The following ARHGEF9 variants were observed in gnomAD, a reference collection of about 807,000 sequenced individuals.
ARHGEF9 encodes the protein Cdc42 guanine nucleotide exchange factor 9, also known as rho guanine nucleotide exchange factor 9.
Under a neutral mutation model 41.3 loss-of-function variants are expected in ARHGEF9, and 2 were observed. That is an observed-to-expected ratio of 0.05 (90% CI 0.02 to 0.15). The LOEUF (loss-of-function observed/expected upper bound fraction) is 0.15, where lower values mean the gene tolerates loss of function less well. Among genes scored for constraint, ARHGEF9 ranks in the 10% least tolerant of loss-of-function variants. The pLI is 1.00. For synonymous variants in ARHGEF9, 160 were observed against 154.4 expected (o/e 1.04, Z -0.27); for missense variants, 225 against 424.7 (o/e 0.53, Z 4.13).
intron 8 of ARHGEF9, among the ~76,000 whole-genome samples, chrX:63,653,553 ATG>A (rs2048686115): frequency 9.0e-6 from 1 of 111,419 alleles, no homozygotes; most frequent in African/African-American, 3.3e-5. Flanking sequence ...GGAGTTACTT[ATG>A]ATAAATTAAG....
intron 4 of ARHGEF9, among the ~76,000 whole-genome samples, chrX:63,680,840 A>T (rs1358605648): frequency 2.7e-5 from 3 of 110,829 alleles, no homozygotes; most frequent in Non-Finnish European, 5.7e-5. Flanking sequence ...CTTCCTTTTG[A>T]GTTTTAGGAG....
chrX:63,636,526 C>T lies in ARHGEF9; in HGVS notation c.*1502G>A, dbSNP rs2047322685. On this transcript the variant is annotated 3_prime_UTR_variant, in exon 10 of 10. Transcript: ENST00000671741. ...TGCCCCTGGGCCCCTAACTCACTTG[C>T]CCCAAATGTCCTGGGATGAGAGGAT... The T allele has an allele frequency of 6.9e-6, 1 of 144,031 alleles. No individual in the cohort carries two copies. The highest frequency in any genetic ancestry group is 1.4e-5 in the Non-Finnish European group (1 of 73,726). 11.9% of individuals were successfully genotyped at this position (144,031 alleles called of 1,213,427 possible).
At chrX:63,754,793 T>C (rs1476099977) in intron 1 of ARHGEF9, 6 of 945,231 alleles carry the variant, frequency 6.3e-6, no homozygotes, top group Middle Eastern at 4.4e-4. Context: ...CTTCTCAGGA[T>C]TGGGCTGATC....
chrX:63,776,937 T>C (rs1164511840), intron 1 of ARHGEF9, among the ~76,000 whole-genome samples: 1 of 111,464 alleles, frequency 9.0e-6, no homozygotes, highest in African/African-American at 3.3e-5. Flanking sequence ...CAATGTAAGA[T>C]TGTCCAAGCA....
Position 63,635,172 on chromosome X carries a change from AG to A in ARHGEF9, c.*2855del. On this transcript the variant is annotated 3_prime_UTR_variant, in exon 10 of 10. Coordinates refer to ENST00000671741, the MANE Select transcript of ARHGEF9 (RefSeq NM_001353921.2). The stretch of plus-strand genomic sequence containing the variant: ...TCACTGTTGCCCATCCATCCACCCC[AG>A]CCCACCCCATCCCCAAAGCACTAAA... The A allele has an allele frequency of 8.1e-6, 2 of 246,040 alleles. No homozygotes were observed. The highest frequency in any genetic ancestry group is 1.5e-5 in the Non-Finnish European group (2 of 132,037). The allele number at this position is 246,040 out of a possible 1,213,427, so 20.3% of individuals were successfully genotyped here. A position where few individuals can be genotyped will look rare whatever the true frequency, so the allele number is the denominator to read the frequency against.
At chrX:63,689,359 T>A (rs1404022347) in intron 4 of ARHGEF9, among the ~76,000 whole-genome samples, 2 of 111,752 alleles carry the variant, frequency 1.8e-5, no homozygotes, top group Non-Finnish European at 3.8e-5. Flanking sequence ...ACATATATCA[T>A]ACGAAACAGA....
chrX:63,755,821 C>T, intron 1 of ARHGEF9: 3 of 751,318 alleles, frequency 4.0e-6, no homozygotes, highest in Non-Finnish European at 4.7e-6. Context: ...TTCCCTGATA[C>T]CACTGCCCTT....
intron 4 of ARHGEF9, among the ~76,000 whole-genome samples, chrX:63,681,326 G>A (rs782197516): frequency 8.9e-6 from 1 of 111,883 alleles, no homozygotes; most frequent in East Asian, 2.8e-4. Context: ...ATGGAATACT[G>A]TCCAGAATAG....
chrX:63,768,402 T>G (rs1483575904), intron 1 of ARHGEF9, among the ~76,000 whole-genome samples: 12 of 112,282 alleles, frequency 1.1e-4, no homozygotes, highest in African/African-American at 3.9e-4. Flanking sequence ...ATAGGTTAAT[T>G]CCATATCTTT....
chrX:63,734,517 C>T (rs1323364142), intron 1 of ARHGEF9, among the ~76,000 whole-genome samples: 4 of 112,047 alleles, frequency 3.6e-5, no homozygotes, highest in African/African-American at 6.5e-5. Flanking sequence ...ACGTGCCACA[C>T]TGAAACCAAC....
intron 2 of ARHGEF9, among the ~76,000 whole-genome samples, chrX:63,714,143 C>G (rs1556408685): frequency 8.9e-6 from 1 of 111,855 alleles, no homozygotes; most frequent in Non-Finnish European, 1.9e-5. Context: ...TGCTCTTCAA[C>G]ACAGACGTGT....
intron 4 of ARHGEF9, among the ~76,000 whole-genome samples, chrX:63,695,872 G>C (rs782268611): frequency 1.2e-4 from 13 of 111,518 alleles, no homozygotes; most frequent in Non-Finnish European, 2.3e-4. Context: ...TGGACACTGA[G>C]TCTCTAATGA....
intron 1 of ARHGEF9, among the ~76,000 whole-genome samples, chrX:63,766,539 T>G (rs1364435860): frequency 8.9e-6 from 1 of 111,991 alleles, no homozygotes; most frequent in Non-Finnish European, 1.9e-5. Context: ...GAGTGCCTGT[T>G]ATGTCTACAA....
At position 63,666,002 on chromosome X, in the gene ARHGEF9, C is replaced by A; in HGVS notation, c.961G>T (p.Asp321Tyr). The A allele has an allele frequency of 8.3e-7, 1 of 1,208,278 alleles. No homozygotes were observed. Among genetic ancestry groups the A allele is most frequent in the South Asian group, 1.8e-5 (1 of 56,772 alleles). The part of the protein sequence containing the change: ...VLDWEGEDIL[D>Y]RSSELIYTGE... ...GTGTAGATCAGCTCCGAGCTCCTGT[C>A]TAGGATGTCCTCGCCCTGGGAAGGA... The change falls in exon 7 of 10, where the codon GAC becomes TAC. Residue 321 changes from aspartate to tyrosine, a missense_variant. Physicochemically the swap from Asp to Tyr is radical, Grantham distance 160. Around this residue, in one of 3 missense-constraint regions of ARHGEF9, gnomAD observed 36 missense variants for 113.6 expected, o/e 0.32. Coordinates refer to ENST00000671741, the MANE Select transcript of ARHGEF9 (RefSeq NM_001353921.2).
intron 1 of ARHGEF9, among the ~76,000 whole-genome samples, chrX:63,771,548 G>A (rs2056204644): frequency 9.0e-6 from 1 of 110,755 alleles, no homozygotes; most frequent in South Asian, 3.9e-4. Flanking sequence ...TAATGTAGGT[G>A]GGCTTCATCC....
intron 4 of ARHGEF9, among the ~76,000 whole-genome samples, chrX:63,679,045 T>C (rs1441183331): frequency 8.9e-6 from 1 of 111,982 alleles, no homozygotes. Context: ...ATTATCTCCA[T>C]AAAATGTCCC....
At chrX:63,739,196 G>A (rs2054797903) in intron 1 of ARHGEF9, among the ~76,000 whole-genome samples, 1 of 111,849 alleles carries the variant, frequency 8.9e-6, no homozygotes, top group Non-Finnish European at 1.9e-5. Context: ...ACTGTGAGGA[G>A]GTGCGGGTGA....
intron 1 of ARHGEF9, among the ~76,000 whole-genome samples, chrX:63,771,091 A>T (rs1386846104): frequency 4.5e-5 from 5 of 111,907 alleles, no homozygotes; most frequent in African/African-American, 1.6e-4. Context: ...GTTGTATCTC[A>T]TTGTGGTTTT....
chrX:63,682,227 G>T (rs1284484485), intron 4 of ARHGEF9, among the ~76,000 whole-genome samples: 3 of 111,199 alleles, frequency 2.7e-5, no homozygotes, highest in African/African-American at 6.5e-5. Flanking sequence ...AGAAATACAA[G>T]AAAAGGGCCA....
Sources: gnomAD v4.1 joint callset for allele counts (sites outside exome capture counted in the v4.1 genomes callset) on GRCh38, gnomAD v4.1.1 for gene constraint, gnomAD v4.1.1 regional missense constraint, MANE v1.5 for transcripts, NCBI Gene and HGNC (gene_info 2026-07-23, HGNC 2026-07-21) for gene names.